The following LRRC74A variants were observed in gnomAD, a reference collection of about 807,000 sequenced individuals.
The protein encoded by LRRC74A is leucine rich repeat containing 74A, also known as leucine-rich repeat-containing protein 74A.
In LRRC74A, 44 loss-of-function variants were observed where a neutral mutation model predicts 57.9. The observed-to-expected ratio is 0.76, with a 90% CI of 0.60 to 0.98. The LOEUF (loss-of-function observed/expected upper bound fraction) is 0.98, where lower values mean the gene tolerates loss of function less well. LRRC74A is among the 50% of genes least tolerant of loss of function. LRRC74A has a pLI of 0.00. For missense variants in LRRC74A, 572 were observed against 574.0 expected (o/e 1.00, Z 0.04); for synonymous variants, 211 against 219.4 (o/e 0.96, Z 0.34).
intron 11 of LRRC74A, among the ~76,000 whole-genome samples, chr14:76,864,664 A>G (rs1437206967): frequency 6.6e-6 from 1 of 151,898 alleles, no homozygotes; most frequent in Non-Finnish European, 1.5e-5. Flanking sequence ...GACCAGCCTG[A>G]CCAACATGGT....
At chr14:76,867,595 C>G (rs370133182) in intron 13 of LRRC74A, among the ~76,000 whole-genome samples, 157 bp downstream of exon 13, 64 of 152,256 alleles carry the variant, frequency 4.2e-4, no homozygotes, top group Middle Eastern at 6.8e-3. Flanking sequence ...TGTCTACCCC[C>G]CTTCTCATCC....
At chr14:76,857,331 G>C in intron 9 of LRRC74A, 49 bp from the exon 10 acceptor site, 1 of 1,236,182 alleles carries the variant, frequency 8.1e-7, no homozygotes, top group Non-Finnish European at 1.2e-6. Flanking sequence ...CTCTGGGCCA[G>C]CCTCTCCTCC....
At chr14:76,836,105 C>T (rs548398922) in intron 3 of LRRC74A, 102 bp from the exon 4 acceptor site, 8 of 799,396 alleles carry the variant, frequency 1.0e-5, no homozygotes, top group South Asian at 1.7e-5. Context: ...TCCTAGCCTG[C>T]ATCTCCACGC....
chr14:76,867,708 G>C (rs534411955), intron 13 of LRRC74A, among the ~76,000 whole-genome samples: 1 of 152,280 alleles, frequency 6.6e-6, no homozygotes, highest in East Asian at 1.9e-4. Flanking sequence ...CACACTCACA[G>C]CCCAGGAGGA....
intron 3 of LRRC74A, among the ~76,000 whole-genome samples, chr14:76,833,595 C>T (rs1314375191): frequency 6.6e-6 from 1 of 151,882 alleles, no homozygotes; most frequent in Non-Finnish European, 1.5e-5. Context: ...GTGCGCACCA[C>T]CATGCCTGGC....
At chr14:76,833,712 G>T (rs1008947860) in intron 3 of LRRC74A, among the ~76,000 whole-genome samples, 17 of 151,890 alleles carry the variant, frequency 1.1e-4, no homozygotes, top group African/African-American at 4.1e-4. Context: ...CAAAGTGCTG[G>T]GATTACAGGC....
At chr14:76,858,504 T>C (rs1317486111) in intron 10 of LRRC74A, among the ~76,000 whole-genome samples, 10 of 152,190 alleles carry the variant, frequency 6.6e-5, no homozygotes. Context: ...CAAGTTCACA[T>C]TCACGGGTCC....
chr14:76,862,261 T>G (rs1898367719), intron 11 of LRRC74A, among the ~76,000 whole-genome samples: 1 of 152,166 alleles, frequency 6.6e-6, no homozygotes, highest in South Asian at 2.1e-4. Context: ...CCAGGCACGG[T>G]GGCTATGCCT....
chr14:76,828,341 T>C lies in LRRC74A; in HGVS notation c.88T>C (p.Cys30Arg), dbSNP rs769603711. 6.2e-6 allele frequency: 10 copies of C among 1,613,404 alleles called. No individual in the cohort carries two copies. Among genetic ancestry groups the C allele is most frequent in the Admixed American group, 1.7e-5 (1 of 59,994 alleles). The change falls in exon 2 of 14, where the codon TGT becomes CGT. Residue 30 changes from cysteine (C) to arginine (R), a missense_variant. Physicochemically the swap from Cys to Arg is radical, Grantham distance 180 (BLOSUM62 -3). Coordinates refer to ENST00000689127, the MANE Select transcript of LRRC74A (RefSeq NM_001385106.1). ...VRQSSDKMLY[C>R]EAESPPTVEK... ...ACAGAGCAGCGATAAAATGCTCTAC[T>C]GTGAGGCCGAATCCCCGCCGACTGT...
chr14:76,829,018 T>G lies in LRRC74A; in HGVS notation c.166+599T>G. 2.3e-6 allele frequency: 3 copies of G among 1,289,306 alleles called. No individual in the cohort carries two copies. In the South Asian group the frequency reaches 3.7e-5, roughly 16 times the overall value. The allele number at this position is 1,289,306 out of a possible 1,614,324, so 79.9% of individuals were successfully genotyped here. ...CTTGATAAATCTAAGCATGCCTGGG[T>G]ATCGGGACTGGCTGAGCTGAAACAA... On this transcript the variant is annotated intron_variant, in intron 2 of 13. Coordinates refer to ENST00000689127, the MANE Select transcript of LRRC74A (RefSeq NM_001385106.1).
chr14:76,860,946 C>A, intron 11 of LRRC74A, 107 bp downstream of exon 11: 2 of 1,068,022 alleles, frequency 1.9e-6, no homozygotes, highest in Non-Finnish European at 2.7e-6. Context: ...GTCTGTACAA[C>A]CCTCTCTGAT....
At position 76,837,936 on chromosome 14, in the gene LRRC74A, G is replaced by T; in HGVS notation, c.509G>T (p.Arg170Ile). The change falls in exon 5 of 14, where the codon AGA becomes ATA. Residue 170 changes from arginine (R) to isoleucine (I), a missense_variant. Arg to Ile is a moderately conservative substitution (Grantham distance 97). Transcript: ENST00000689127. ...GARIISDFFE[R>I]NSSSIWSLEL... is the part of the protein sequence containing the mutation. ...AGAATCATCTCAGATTTCTTTGAGA[G>T]AAACAGTTCTTCTATCTGGAGCCTT... The T allele has an allele frequency of 6.3e-7, 1 of 1,586,514 alleles. No individual in the cohort carries two copies. Among genetic ancestry groups the T allele is most frequent in the Non-Finnish European group, 8.6e-7 (1 of 1,164,876 alleles).
At chr14:76,867,263 TGTGTGTTGGGGGGGTA>T in intron 12 of LRRC74A, 77 bp from the exon 13 acceptor site, 1 of 307,326 alleles carries the variant, frequency 3.3e-6, no homozygotes, top group Non-Finnish European at 6.0e-6. Context: ...GGGTGGGGTG[TGTGTGTTGGGGGGGTA>T]GTGTGTTTGG....
chr14:76,841,317 C>T (rs1219439918), intron 5 of LRRC74A, among the ~76,000 whole-genome samples: 1 of 152,246 alleles, frequency 6.6e-6, no homozygotes, highest in Non-Finnish European at 1.5e-5. Flanking sequence ...GCTGGGATTA[C>T]AGGCATGAGC....
chr14:76,848,887 G>A (rs926269666), intron 7 of LRRC74A, among the ~76,000 whole-genome samples: 3 of 152,198 alleles, frequency 2.0e-5, no homozygotes, highest in Non-Finnish European at 4.4e-5. Context: ...ACGAGGAAAG[G>A]GTGGGTGCGG....
intron 7 of LRRC74A, among the ~76,000 whole-genome samples, chr14:76,849,979 C>T (rs377428431): frequency 8.5e-5 from 13 of 152,102 alleles, no homozygotes; most frequent in Middle Eastern, 3.4e-3. Context: ...GAGGCCGAGG[C>T]GGGCGGATCA....
chr14:76,853,344 CG>C lies in LRRC74A; in HGVS notation c.893del (p.Gly298AlafsTer21), dbSNP rs766259360. The C allele has an allele frequency of 5.6e-6, 9 of 1,613,028 alleles. No homozygotes were observed. The South Asian group carries it at 7.7e-5, about 14-fold the overall frequency. On this transcript the variant is annotated frameshift_variant, in exon 9 of 14. Coordinates refer to ENST00000689127, the MANE Select transcript of LRRC74A (RefSeq NM_001385106.1). LOFTEE classifies it high-confidence loss of function. ...ACCTGGATATCGGTGGCAATGACATCGGCAATGAAGGGGCCTCCAAAATCAG... is the reference window on the plus strand; with the variant it reads ...ACCTGGATATCGGTGGCAATGACATCGCAATGAAGGGGCCTCCAAAATCAG... ...VYLDIGGNDI[G>X]NEGASKISKG...
intron 5 of LRRC74A, among the ~76,000 whole-genome samples, chr14:76,840,088 T>C (rs917728942): frequency 6.6e-6 from 1 of 152,186 alleles, no homozygotes; most frequent in African/African-American, 2.4e-5. Context: ...AGTTTTATAG[T>C]CTTTTTCCTT....
chr14:76,856,052 C>T (rs1317557169), intron 9 of LRRC74A, among the ~76,000 whole-genome samples: 1 of 152,196 alleles, frequency 6.6e-6, no homozygotes, highest in Non-Finnish European at 1.5e-5. Context: ...GGATAATGTC[C>T]TTGTTCCTTC....
Sources: gnomAD v4.1 joint callset for allele counts (sites outside exome capture counted in the v4.1 genomes callset) on GRCh38, gnomAD v4.1.1 for gene constraint, MANE v1.5 for transcripts, NCBI Gene and HGNC (gene_info 2026-07-23, HGNC 2026-07-21) for gene names.